KIF3C: variants seen among roughly 807,000 people sequenced by gnomAD.
The protein encoded by KIF3C is kinesin-like protein KIF3C.
KIF3C carries 12 observed loss-of-function variants against 67.7 expected under a neutral mutation model. The observed-to-expected ratio is 0.18, with a 90% CI of 0.11 to 0.29. The LOEUF (loss-of-function observed/expected upper bound fraction) is 0.29. KIF3C is among the 10% of genes least tolerant of loss of function. The pLI, the probability that KIF3C is intolerant of heterozygous loss-of-function variation, is 1.00. For synonymous variants in KIF3C, 393 were observed against 426.2 expected (o/e 0.92, Z 0.96); for missense variants, 789 against 1,059.6 (o/e 0.74, Z 3.55).
At chr2:25,950,632 GAA>G (rs1297023197) in intron 5 of KIF3C, among the ~76,000 whole-genome samples, 2 of 152,122 alleles carry the variant, frequency 1.3e-5, no homozygotes, top group African/African-American at 4.8e-5. Flanking sequence ...TTCAAATGCA[GAA>G]TCACAAAACC....
At chr2:25,959,070 G>T (rs13030184) in intron 1 of KIF3C, among the ~76,000 whole-genome samples, 1 of 151,880 alleles carries the variant, frequency 6.6e-6, no homozygotes, top group East Asian at 1.9e-4. Context: ...GCAAAACTCC[G>T]TCTCAAAAAA....
chr2:25,951,971 G>T, intron 4 of KIF3C, 66 bp from the exon 5 acceptor site: 18 of 1,111,026 alleles, frequency 1.6e-5, no homozygotes, highest in African/African-American at 1.2e-4. Context: ...TGCATGTGAG[G>T]GTTGAAGGAT....
rs537536013 is a variant in KIF3C, at chr2:25,933,015, C to T, written c.2007-2952G>A. Among the ~76,000 whole-genome samples, 3 of 152,234 alleles carry T rather than the reference C, an allele frequency of 2.0e-5. No homozygotes were observed. In the East Asian group the frequency reaches 5.8e-4, roughly 29 times the overall value. Reference sequence around the variant, plus strand: ...CCTGTAATCCCAGCACTTTGGGAGCCCAAGGCAGGTGGACTGCCTGAGCTT... The same window carrying T: ...CCTGTAATCCCAGCACTTTGGGAGCTCAAGGCAGGTGGACTGCCTGAGCTT... On this transcript the variant is annotated intron_variant, in intron 5 of 7. Transcript: ENST00000264712.
rs1352324746 is a variant in KIF3C at position 25,928,452 on chromosome 2, G to A, written c.*526C>T. 1 of 152,926 alleles carries A rather than the reference G, an allele frequency of 6.5e-6. No homozygotes were observed. The highest frequency in any genetic ancestry group is 1.9e-4 in the East Asian group (1 of 5,198). 9.5% of individuals were successfully genotyped at this position (152,926 alleles called of 1,614,324 possible). A position where few individuals can be genotyped will look rare whatever the true frequency, so the allele number is the denominator to read the frequency against. On this transcript the variant is annotated 3_prime_UTR_variant, in exon 8 of 8. Transcript: ENST00000264712. ...GTCTGAGGCTCAGAAAGTGGAGAGT[G>A]GGGCTGTGTCCACGGGGAGCAGATG...
intron 5 of KIF3C, among the ~76,000 whole-genome samples, chr2:25,942,860 A>T (rs71439201): frequency 0.025 from 3,825 of 152,316 alleles, 66 homozygotes; most frequent in South Asian, 0.048. Context: ...GTTGATTAGG[A>T]ATATTTCTCA....
chr2:25,937,658 AAAG>A (rs1203416398), intron 5 of KIF3C, among the ~76,000 whole-genome samples: 7 of 152,196 alleles, frequency 4.6e-5, no homozygotes, highest in Non-Finnish European at 7.3e-5. Flanking sequence ...TGGATAGAGC[AAAG>A]AAGACTGAGG....
intron 6 of KIF3C, 128 bp from the exon 7 acceptor site, chr2:25,929,605 T>C: frequency 1.5e-6 from 1 of 681,598 alleles, no homozygotes. Context: ...GAGCATCCCC[T>C]CCCATAGGCT....
At chr2:25,943,130 C>T (rs1000397914) in intron 5 of KIF3C, among the ~76,000 whole-genome samples, 3 of 152,168 alleles carry the variant, frequency 2.0e-5, no homozygotes, top group Non-Finnish European at 2.9e-5. Flanking sequence ...GGAACAACGC[C>T]CTAATTAGTT....
At chr2:25,978,818 C>T (rs1010481293) in intron 1 of KIF3C, among the ~76,000 whole-genome samples, 3 of 151,978 alleles carry the variant, frequency 2.0e-5, no homozygotes, top group African/African-American at 7.3e-5. Context: ...TGGATTCCCT[C>T]CCTCCTAGGG....
intron 7 of KIF3C, 87 bp downstream of exon 7, chr2:25,929,218 C>G (rs530479255): frequency 2.7e-6 from 4 of 1,499,326 alleles, no homozygotes; most frequent in Admixed American, 1.7e-5. Context: ...CTTCGGGTAC[C>G]AGCAAAACCC....
intron 1 of KIF3C, among the ~76,000 whole-genome samples, chr2:25,979,321 T>C (rs1664502711): frequency 6.6e-6 from 1 of 152,058 alleles, no homozygotes. Context: ...AGGAAACAGC[T>C]CAGGAAGGAT....
intron 1 of KIF3C, among the ~76,000 whole-genome samples, chr2:25,974,754 T>C (rs74954135): frequency 0.14 from 20,693 of 151,884 alleles, 1,979 homozygotes; most frequent in African/African-American, 0.26. Context: ...GGGCTGGGCA[T>C]GGTGACTCAT....
chr2:25,927,481 G>A lies in KIF3C; in HGVS notation c.*1497C>T, dbSNP rs1306140724. The A allele has an allele frequency of 2.0e-5, 3 of 152,156 alleles. No individual in the cohort carries two copies. Among genetic ancestry groups the A allele is most frequent in the East Asian group, 1.9e-4 (1 of 5,192 alleles). The allele number at this position is 152,156 out of a possible 1,614,324, so 9.4% of individuals were successfully genotyped here. ...GTAATGAAGCAGAAATGACAGTGTC[G>A]CTGAGTTAAATCAGACCCAAGCTTG... is the stretch of plus-strand genomic sequence containing the variant. On this transcript the variant is annotated 3_prime_UTR_variant, in exon 8 of 8. Transcript: ENST00000264712.
chr2:25,962,262 C>G (rs1024447742), intron 1 of KIF3C, among the ~76,000 whole-genome samples: 2 of 152,146 alleles, frequency 1.3e-5, no homozygotes, highest in African/African-American at 4.8e-5. Context: ...GTCTTTCTCT[C>G]CTTTCAGAAA....
chr2:25,951,690 ATC>A, intron 5 of KIF3C, 97 bp downstream of exon 5: 1 of 736,750 alleles, frequency 1.4e-6, no homozygotes, highest in Non-Finnish European at 2.3e-6. Context: ...TCCACAAAAC[ATC>A]TGTCTCCCTG....
At chr2:25,939,691 C>T (rs1041256173) in intron 5 of KIF3C, among the ~76,000 whole-genome samples, 7 of 152,024 alleles carry the variant, frequency 4.6e-5, no homozygotes, top group African/African-American at 1.7e-4. Flanking sequence ...GTGGCTTACA[C>T]CTGTAAGCCC....
At chr2:25,962,788 AATATATAT>A (rs1559555080) in intron 1 of KIF3C, among the ~76,000 whole-genome samples, 3 of 84,128 alleles carry the variant, frequency 3.6e-5, no homozygotes, top group African/African-American at 1.6e-4. Context: ...TTATATATAT[AATATATAT>A]TATATAATAT....
At chr2:25,969,725 T>C (rs1237794598) in intron 1 of KIF3C, among the ~76,000 whole-genome samples, 1 of 81,992 alleles carries the variant, frequency 1.2e-5, no homozygotes, top group East Asian at 2.0e-4. Context: ...TGGGTTTTTG[T>C]TTTTTTTTTT....
Position 25,928,994 on chromosome 2 carries a change from A to G in KIF3C, c.2366T>C (p.Val789Ala), listed in dbSNP as rs1326818758. The change falls in exon 8 of 8, where the codon GTG becomes GCG. Residue 789 changes from valine to alanine, a missense_variant. Physicochemically the swap from Val to Ala is moderately conservative, Grantham distance 64 (BLOSUM62 0). Transcript: ENST00000264712. The stretch of plus-strand genomic sequence containing the variant: ...TGATGGTTGTCACTCATGGTCCGCC[A>G]CTGTTGCAGGGCGCAGAGAAGCAGA... ...LASASLRPAT[V>A]ADHE 1.9e-6 allele frequency: 3 copies of G among 1,613,534 alleles called. No homozygotes were observed. The highest frequency in any genetic ancestry group is 2.5e-6 in the Non-Finnish European group (3 of 1,179,924).
Sources: allele counts gnomAD v4.1 joint callset (sites outside exome capture counted in the v4.1 genomes callset), GRCh38; gene constraint gnomAD v4.1.1; transcripts MANE v1.5; gene names NCBI Gene and HGNC (gene_info 2026-07-23, HGNC 2026-07-21).